Variants in HGD observed in about 807,000 individuals in gnomAD.
HGD encodes homogentisate 1,2-dioxygenase, also known as homogentisate oxidase.
In HGD, 61 loss-of-function variants were observed where a neutral mutation model predicts 60.8. That is an observed-to-expected ratio of 1.00 (90% confidence interval 0.82 to 1.24). HGD has a LOEUF of 1.24. Ranked by LOEUF, HGD falls within the 50% of genes most tolerant of loss-of-function variation. HGD has a pLI of 0.00. For missense variants in HGD, 542 were observed against 547.1 expected, an observed-to-expected ratio of 0.99 and a Z score of 0.09; for synonymous variants, 212 against 187.7, an observed-to-expected ratio of 1.13 and a Z score of -1.06.
rs372430074 is a variant in HGD, at chr3:120,677,911, T to C, written c.16-2048A>G. The C allele has an allele frequency of 1.1e-3, 161 of 152,308 alleles. 1 individual carries two copies. Among genetic ancestry groups the C allele is most frequent in the African/African-American group, 3.8e-3 (158 of 41,574 alleles). The allele number at this position is 152,308 out of a possible 1,614,324, so 9.4% of individuals were successfully genotyped here. Reference sequence around the variant, plus strand: ...AAATAGAAAAGAACCTACGTGAATATTGGGGCAGGTTCCCTGATACTCAGT... The same window carrying C: ...AAATAGAAAAGAACCTACGTGAATACTGGGGCAGGTTCCCTGATACTCAGT... On this transcript the variant is annotated intron_variant, in intron 1 of 13. Transcript: ENST00000283871.
intron 6 of HGD, among the ~76,000 whole-genome samples, chr3:120,648,238 C>A (rs542252904): frequency 1.3e-5 from 2 of 152,284 alleles, no homozygotes; most frequent in African/African-American, 4.8e-5. Flanking sequence ...GACCGGATAT[C>A]TGAAGGTGTT....
chr3:120,665,814 T>A (rs1166096389), intron 4 of HGD, among the ~76,000 whole-genome samples: 2 of 152,188 alleles, frequency 1.3e-5, no homozygotes, highest in African/African-American at 4.8e-5. Context: ...ATGTGGATAG[T>A]TGGTGAAGCT....
rs71133513 is a variant in HGD at position 120,664,426 on chromosome 3, CTT to C, written c.282+5999_282+6000del. ...TTCTTTCCTTCTTTCTTTTTTCTTC[CTT>C]TTTTTTTTTTTTTTTCTGAGATAGG... On this transcript the variant is annotated intron_variant, in intron 4 of 13. Transcript: ENST00000283871. 9.0e-3 allele frequency among the ~76,000 whole-genome samples: 1,070 copies of C among 118,786 alleles called. 20 individuals are homozygous for C. The highest frequency in any genetic ancestry group is 0.067 in the Admixed American group (682 of 10,140). The allele number at this position is 118,786 out of a possible 152,430, so 77.9% of individuals were successfully genotyped here. A position where few individuals can be genotyped will look rare whatever the true frequency, so the allele number is the denominator to read the frequency against.
At chr3:120,656,567 G>GT (rs1027540258) in intron 4 of HGD, among the ~76,000 whole-genome samples, 7 of 151,144 alleles carry the variant, frequency 4.6e-5, no homozygotes, top group Admixed American at 4.6e-4. Flanking sequence ...TTTTTTTGGG[G>GT]GGGGGTTGGA....
In HGD at chr3:120,641,649, T is replaced by C; in HGVS notation, c.819A>G (p.Thr273=). 6.2e-7 allele frequency: 1 copy of C among 1,613,958 alleles called. No homozygotes were observed. The highest frequency in any genetic ancestry group is 8.5e-7 in the Non-Finnish European group (1 of 1,179,878). ...AATTCTTCAGGTTGTACTTGTAGGG[T>C]GTATAATTCCCGTGCCAGGCCACAA... ...FNVVAWHGNY[T]PYKYNLKNFM... is the part of the protein sequence containing the mutation. Residue 273 remains threonine (T), a synonymous_variant, in exon 11 of 14, where the codon ACA becomes ACG. Coordinates refer to ENST00000283871, the MANE Select transcript of HGD (RefSeq NM_000187.4).
chr3:120,667,866 T>G (rs1243522573), intron 4 of HGD, among the ~76,000 whole-genome samples: 1 of 152,260 alleles, frequency 6.6e-6, no homozygotes, highest in Non-Finnish European at 1.5e-5. Flanking sequence ...ATCCCTCATT[T>G]AGTTAACTTC....
chr3:120,667,326 CAAA>C (rs71133514), intron 4 of HGD, among the ~76,000 whole-genome samples: 68 of 60,066 alleles, frequency 1.1e-3, no homozygotes, highest in East Asian at 2.0e-3. Context: ...ACTCTTGTCT[CAAA>C]AAAAAAAAAA....
At position 120,650,833 on chromosome 3, in the gene HGD, T is replaced by G. The variant is rs1288098237; in HGVS notation, c.375A>C (p.Ile125=). ...GGATAGCAAGCCCATTGTTAGACTT[T>G]ATGTCTCCAGCTCCACACAAGGTAT... is the stretch of plus-strand genomic sequence containing the variant. The part of the protein sequence containing the change: ...GLHTLCGAGD[I]KSNNGLAIHI... Residue 125 remains isoleucine, a synonymous_variant, in exon 6 of 14, where the codon ATA becomes ATC. Transcript: ENST00000283871. The G allele has an allele frequency of 1.2e-6, 2 of 1,614,058 alleles. No individual in the cohort carries two copies. The highest frequency in any genetic ancestry group is 1.7e-6 in the Non-Finnish European group (2 of 1,179,906).
intron 4 of HGD, among the ~76,000 whole-genome samples, chr3:120,659,255 CTT>C (rs1403603787): frequency 6.6e-6 from 1 of 152,200 alleles, no homozygotes; most frequent in East Asian, 1.9e-4. Context: ...TAAATCTAAA[CTT>C]ATTTTTAAAT....
At chr3:120,678,082 T>C (rs968072093) in intron 1 of HGD, 1 of 152,230 alleles carries the variant, frequency 6.6e-6, no homozygotes, top group Non-Finnish European at 1.5e-5. Context: ...GACTCAATAT[T>C]TTGTATATTT....
At chr3:120,658,747 C>T (rs1483934813) in intron 4 of HGD, among the ~76,000 whole-genome samples, 5 of 152,358 alleles carry the variant, frequency 3.3e-5, no homozygotes, top group South Asian at 4.1e-4. Flanking sequence ...TCTGCCTGAA[C>T]ATTTAAGTTT....
At chr3:120,646,668 A>G (rs1941174999) in intron 8 of HGD, among the ~76,000 whole-genome samples, 1 of 152,032 alleles carries the variant, frequency 6.6e-6, no homozygotes, top group African/African-American at 2.4e-5. Context: ...AAAAAAAAAA[A>G]AGTCCACCTT....
chr3:120,647,624 C>G (rs1054254504), intron 7 of HGD, among the ~76,000 whole-genome samples: 3 of 152,136 alleles, frequency 2.0e-5, no homozygotes, highest in Non-Finnish European at 4.4e-5. Flanking sequence ...TTCAGCTGCC[C>G]AGGTCTCCCA....
Position 120,641,590 on chromosome 3 carries a change from G to T in HGD, c.878C>A (p.Ala293Glu), listed in dbSNP as rs148641817. Residue 293 changes from alanine to glutamate, a missense_variant and splice_region_variant, in exon 11 of 14, where the codon GCA becomes GAA. Ala to Glu is a moderately radical substitution (Grantham distance 107, BLOSUM62 -1). Around this residue, in one of 2 missense-constraint regions of HGD, gnomAD observed 537 missense variants for 529.1 expected, o/e 1.01. Transcript: ENST00000283871. ...MVINSVAFDH[A>E]DPSIFTVLTA... ...GGCCCCTACAGGGTTCAGACTTACT[G>T]CATGGTCAAAGGCCACTGAGTTGAT... The T allele has an allele frequency of 3.7e-6, 6 of 1,606,762 alleles. No homozygotes were observed. The African/African-American group carries it at 6.7e-5, about 18-fold the overall frequency.
chr3:120,640,938 G>A (rs1005941371), intron 11 of HGD, among the ~76,000 whole-genome samples: 1 of 151,956 alleles, frequency 6.6e-6, no homozygotes, highest in African/African-American at 2.4e-5. Context: ...GCTGCAAAAT[G>A]AACTTCCCCC....
At chr3:120,643,312 C>G (rs1202199226) in intron 10 of HGD, among the ~76,000 whole-genome samples, 2 of 152,142 alleles carry the variant, frequency 1.3e-5, no homozygotes, top group South Asian at 2.1e-4. Flanking sequence ...TGGGTAGAGA[C>G]GGGGTTTTGC....
At chr3:120,641,914 C>T (rs138872539) in intron 10 of HGD, 11,610 of 557,304 alleles carry the variant, frequency 0.021, 177 homozygotes, top group Non-Finnish European at 0.031. Flanking sequence ...TCATAAGCTG[C>T]AGCTGCCTTC....
At chr3:120,661,627 T>C (rs187174433) in intron 4 of HGD, among the ~76,000 whole-genome samples, 8 of 152,324 alleles carry the variant, frequency 5.3e-5, no homozygotes, top group Non-Finnish European at 1.0e-4. Context: ...TTCTTATATA[T>C]GGAAAATAAG....
At chr3:120,675,698 G>A (rs1171088137) in intron 2 of HGD, 94 bp downstream of exon 2, 15 of 909,904 alleles carry the variant, frequency 1.6e-5, no homozygotes, top group Middle Eastern at 2.2e-4. Flanking sequence ...AGGCTAGATT[G>A]GAAGAGCCAC....
Sources: allele counts gnomAD v4.1 joint callset (sites outside exome capture counted in the v4.1 genomes callset), GRCh38; gene constraint gnomAD v4.1.1; regional missense constraint gnomAD v4.1.1; transcripts MANE v1.5; gene names NCBI Gene and HGNC (gene_info 2026-07-23, HGNC 2026-07-21).